The following ATXN1 variants were observed in gnomAD, a reference collection of about 807,000 sequenced individuals.
ATXN1 encodes the protein ataxin-1.
ATXN1 carries 8 observed loss-of-function variants against 56.4 expected under a neutral mutation model. The observed-to-expected ratio is 0.14, with a 90% CI of 0.08 to 0.26. The LOEUF is 0.26. Ranked by LOEUF, ATXN1 falls within the 10% of genes least tolerant of loss-of-function variation. The pLI is 1.00. For synonymous variants in ATXN1, 514 were observed against 494.6 expected (o/e 1.04, Z -0.52); for missense variants, 987 against 1,106.5 (o/e 0.89, Z 1.53).
intron 4 of ATXN1, among the ~76,000 whole-genome samples, chr6:16,576,238 AC>A (rs1762420390): frequency 6.6e-6 from 1 of 152,168 alleles, no homozygotes; most frequent in South Asian, 2.1e-4. Context: ...AAGTCTCTTT[AC>A]TTAATTCAAT....
At chr6:16,643,911 C>A (rs890456599) in intron 3 of ATXN1, among the ~76,000 whole-genome samples, 1 of 152,134 alleles carries the variant, frequency 6.6e-6, no homozygotes, top group Non-Finnish European at 1.5e-5. Context: ...TTGATAATTA[C>A]TGACATAATA....
At position 16,562,483 on chromosome 6, in the gene ATXN1, GAGGAA is replaced by G. The variant is rs1204370764; in HGVS notation, c.-361+23292_-361+23296del. Among the ~76,000 whole-genome samples the G allele has an allele frequency of 9.6e-4, 80 of 83,114 alleles. 1 individual carries two copies. The highest frequency in any genetic ancestry group is 2.6e-3 in the East Asian group (11 of 4,280). The allele number at this position is 83,114 out of a possible 152,430, so 54.5% of individuals were successfully genotyped here. ...GAGGAGAGGAGAGGAGAGGAGAGGAGAGGAAAGGAAAGGAAAGGAAAGGAAAAAGA... is the reference window on the plus strand; with the variant it reads ...GAGGAGAGGAGAGGAGAGGAGAGGAGAGGAAAGGAAAGGAAAGGAAAAAGA... On this transcript the variant is annotated intron_variant, in intron 4 of 7. Coordinates refer to ENST00000436367, the MANE Select transcript of ATXN1 (RefSeq NM_001128164.2).
chr6:16,540,793 T>C (rs1761700228), intron 4 of ATXN1, among the ~76,000 whole-genome samples: 1 of 152,206 alleles, frequency 6.6e-6, no homozygotes, highest in South Asian at 2.1e-4. Context: ...GGCTGTCTCA[T>C]GTATTTACTT....
intron 6 of ATXN1, among the ~76,000 whole-genome samples, chr6:16,357,374 G>A (rs925426608): frequency 1.3e-5 from 2 of 151,778 alleles, no homozygotes; most frequent in Non-Finnish European, 2.9e-5. Context: ...GGTTCAAGCG[G>A]TTCTTCTGCC....
intron 2 of ATXN1, among the ~76,000 whole-genome samples, chr6:16,731,534 C>A (rs1759985521): frequency 7.7e-6 from 1 of 129,384 alleles, no homozygotes; most frequent in South Asian, 2.6e-4. Flanking sequence ...AAAAATAAAC[C>A]AGAGCGACCA....
chr6:16,612,587 C>T (rs1405674238), intron 3 of ATXN1, among the ~76,000 whole-genome samples: 1 of 151,962 alleles, frequency 6.6e-6, no homozygotes, highest in Non-Finnish European at 1.5e-5. Flanking sequence ...AATAAAAGAT[C>T]AACTCAATAA....
intron 4 of ATXN1, among the ~76,000 whole-genome samples, chr6:16,555,423 G>A (rs1242538344): frequency 2.0e-5 from 3 of 152,176 alleles, no homozygotes; most frequent in African/African-American, 7.2e-5. Context: ...TGAGCTCCAT[G>A]CTTTTGGCTC....
At chr6:16,594,070 CTAAT>C (rs1216921177) in intron 3 of ATXN1, among the ~76,000 whole-genome samples, 3 of 148,138 alleles carry the variant, frequency 2.0e-5, no homozygotes, top group Non-Finnish European at 4.5e-5. Context: ...ATATATTAGA[CTAAT>C]ATATATTAGT....
chr6:16,702,588 G>A (rs1317542024), intron 2 of ATXN1, among the ~76,000 whole-genome samples: 3 of 152,032 alleles, frequency 2.0e-5, no homozygotes, highest in Middle Eastern at 3.2e-3. Flanking sequence ...TCTACTCATC[G>A]GACAAAGGGC....
At chr6:16,562,174 A>C (rs913345965) in intron 4 of ATXN1, among the ~76,000 whole-genome samples, 1 of 151,896 alleles carries the variant, frequency 6.6e-6, no homozygotes, top group Non-Finnish European at 1.5e-5. Context: ...AGAGTTGGAG[A>C]CCAGCCTGGG....
chr6:16,457,349 T>C (rs569987785), intron 6 of ATXN1, among the ~76,000 whole-genome samples: 13 of 151,368 alleles, frequency 8.6e-5, no homozygotes, highest in Non-Finnish European at 1.8e-4. Context: ...AACAGCAGGA[T>C]CCAGGGACTG....
chr6:16,759,530 G>GTTTTTTTTTTTTTTTTTTTTT (rs1046854905), intron 1 of ATXN1, among the ~76,000 whole-genome samples: 1 of 45,926 alleles, frequency 2.2e-5, no homozygotes, highest in Non-Finnish European at 4.3e-5. Flanking sequence ...TCTTCCGACT[G>GTTTTTTTTTTTTTTTTTTTTT]TTTTTTTTTT....
intron 3 of ATXN1, among the ~76,000 whole-genome samples, chr6:16,633,217 A>C (rs1034886688): frequency 4.6e-5 from 7 of 152,206 alleles, no homozygotes; most frequent in Admixed American, 6.5e-5. Flanking sequence ...ACTTCATAAG[A>C]TTCTCTTGTT....
At chr6:16,569,554 G>A (rs928003375) in intron 4 of ATXN1, among the ~76,000 whole-genome samples, 4 of 145,506 alleles carry the variant, frequency 2.7e-5, no homozygotes, top group African/African-American at 7.5e-5. Context: ...AAACAGTTCC[G>A]ATTGACTCAG....
chr6:16,319,665 A>G (rs1760599257), intron 7 of ATXN1, among the ~76,000 whole-genome samples: 1 of 152,208 alleles, frequency 6.6e-6, no homozygotes, highest in Admixed American at 6.5e-5. Flanking sequence ...CAAGATTTTA[A>G]TAACAGGGAA....
intron 4 of ATXN1, among the ~76,000 whole-genome samples, chr6:16,545,211 C>T (rs1761792658): frequency 6.6e-6 from 1 of 152,080 alleles, no homozygotes; most frequent in Non-Finnish European, 1.5e-5. Context: ...TATTACCCCC[C>T]AAAATGTCCT....
chr6:16,426,531 C>T (rs1435908213), intron 6 of ATXN1, among the ~76,000 whole-genome samples: 1 of 151,948 alleles, frequency 6.6e-6, no homozygotes, highest in Non-Finnish European at 1.5e-5. Flanking sequence ...AGTAAAAGCG[C>T]CAAGCCATGT....
intron 2 of ATXN1, among the ~76,000 whole-genome samples, chr6:16,705,779 A>G (rs1247701331): frequency 6.6e-6 from 1 of 152,048 alleles, no homozygotes; most frequent in Non-Finnish European, 1.5e-5. Flanking sequence ...TGGAATTTTC[A>G]ACATTCCTCT....
chr6:16,757,383 T>C (rs1431546747), intron 1 of ATXN1, among the ~76,000 whole-genome samples: 1 of 152,256 alleles, frequency 6.6e-6, no homozygotes, highest in African/African-American at 2.4e-5. Flanking sequence ...TAAAGCATTT[T>C]TCTATATGTT....
Sources: allele counts gnomAD v4.1 joint callset (sites outside exome capture counted in the v4.1 genomes callset), GRCh38; gene constraint gnomAD v4.1.1; transcripts MANE v1.5; gene names NCBI Gene and HGNC (gene_info 2026-07-23, HGNC 2026-07-21).